The following GABBR2 variants were observed in gnomAD, a reference collection of about 807,000 sequenced individuals.
The protein encoded by GABBR2 is gamma-aminobutyric acid type B receptor subunit 2, also known as G-protein coupled receptor 51.
A neutral mutation model predicts 105.6 loss-of-function variants in GABBR2; 23 were observed. The observed-to-expected ratio is 0.22, with a 90% CI of 0.16 to 0.31. The LOEUF is 0.31. GABBR2 is among the 10% of genes least tolerant of loss of function. The pLI is 1.00. For synonymous variants in GABBR2, 478 were observed against 499.7 expected, an observed-to-expected ratio of 0.96 and a Z score of 0.58; for missense variants, 734 against 1,245.5, an observed-to-expected ratio of 0.59 and a Z score of 6.18.
At chr9:98,694,890 T>A (rs1830729223) in intron 1 of GABBR2, among the ~76,000 whole-genome samples, 1 of 152,210 alleles carries the variant, frequency 6.6e-6, no homozygotes, top group African/African-American at 2.4e-5. Flanking sequence ...CAGCATTGGG[T>A]CACCCATGTA....
chr9:98,352,483 G>T (rs965737196), intron 13 of GABBR2, among the ~76,000 whole-genome samples: 1 of 152,196 alleles, frequency 6.6e-6, no homozygotes, highest in Non-Finnish European at 1.5e-5. Context: ...ATGGATGCCA[G>T]TCATGGGCAG....
chr9:98,444,867 A>ATG (rs1826095942), intron 7 of GABBR2, among the ~76,000 whole-genome samples: 1 of 110,142 alleles, frequency 9.1e-6, no homozygotes. Context: ...GCATATGCAC[A>ATG]TGCGCGCGCG....
intron 1 of GABBR2, among the ~76,000 whole-genome samples, chr9:98,669,153 C>T (rs559856583): frequency 6.6e-6 from 1 of 152,292 alleles, no homozygotes; most frequent in South Asian, 2.1e-4. Flanking sequence ...TACCATTTTA[C>T]CACCAGCAAT....
At chr9:98,391,061 G>T (rs1294157796) in intron 9 of GABBR2, among the ~76,000 whole-genome samples, 1 of 151,990 alleles carries the variant, frequency 6.6e-6, no homozygotes, top group Non-Finnish European at 1.5e-5. Context: ...TCCATTCATT[G>T]CCATTCACTC....
chr9:98,545,979 T>C (rs1051902031), intron 2 of GABBR2, among the ~76,000 whole-genome samples: 1 of 152,218 alleles, frequency 6.6e-6, no homozygotes, highest in African/African-American at 2.4e-5. Flanking sequence ...CAGATTGTGA[T>C]TGAGGCTTTG....
chr9:98,420,153 C>T (rs933823981), intron 7 of GABBR2, among the ~76,000 whole-genome samples: 10 of 152,070 alleles, frequency 6.6e-5, no homozygotes, highest in East Asian at 1.9e-4. Flanking sequence ...ACTCTTGTCT[C>T]GGAGGAGGGG....
intron 13 of GABBR2, among the ~76,000 whole-genome samples, chr9:98,349,456 C>T (rs189184101): frequency 5.5e-5 from 8 of 146,098 alleles, no homozygotes; most frequent in Middle Eastern, 3.6e-3. Flanking sequence ...GGGTTGCAAG[C>T]GATTCTCCTG....
intron 7 of GABBR2, among the ~76,000 whole-genome samples, chr9:98,410,691 C>G (rs1362530433): frequency 6.6e-6 from 1 of 151,840 alleles, no homozygotes; most frequent in East Asian, 2.0e-4. Flanking sequence ...CAGCAGGAGC[C>G]TCGGAGGCCT....
At chr9:98,419,375 A>C (rs1160699012) in intron 7 of GABBR2, among the ~76,000 whole-genome samples, 3 of 152,134 alleles carry the variant, frequency 2.0e-5, no homozygotes, top group African/African-American at 7.2e-5. Flanking sequence ...AATTCCTCTT[A>C]AAGAGCAGAC....
Position 98,445,323 on chromosome 9 carries a change from GA to G in GABBR2, c.1236+8657del, listed in dbSNP as rs544254997. ...TGCAAAATGCACCAGGGACGAGGGA[GA>G]AGAGTCCAGAACCCTCCAATCGGGT... is the stretch of plus-strand genomic sequence containing the variant. On this transcript the variant is annotated intron_variant, in intron 7 of 18. Transcript: ENST00000259455. 2.7e-3 allele frequency among the ~76,000 whole-genome samples: 413 copies of G among 152,330 alleles called. 1 individual carries two copies. Among genetic ancestry groups the G allele is most frequent in the Non-Finnish European group, 4.3e-3 (290 of 68,030 alleles).
chr9:98,474,203 G>A (rs1826743751), intron 5 of GABBR2, among the ~76,000 whole-genome samples: 1 of 152,164 alleles, frequency 6.6e-6, no homozygotes, highest in African/African-American at 2.4e-5. Context: ...AGGTCAAACA[G>A]TCAGGGAGAA....
intron 3 of GABBR2, among the ~76,000 whole-genome samples, chr9:98,522,424 G>A (rs1052415398): frequency 1.3e-5 from 2 of 152,028 alleles, no homozygotes; most frequent in Admixed American, 6.6e-5. Flanking sequence ...TCAGCTATGT[G>A]CCATTTTTTC....
At chr9:98,647,897 A>G (rs1225022977) in intron 1 of GABBR2, among the ~76,000 whole-genome samples, 1 of 152,094 alleles carries the variant, frequency 6.6e-6, no homozygotes, top group Non-Finnish European at 1.5e-5. Flanking sequence ...ATTCTCATAT[A>G]TAAGAATGAA....
At chr9:98,647,958 G>GT (rs11294565) in intron 1 of GABBR2, among the ~76,000 whole-genome samples, 345 of 144,016 alleles carry the variant, frequency 2.4e-3, no homozygotes, top group Middle Eastern at 3.6e-3. Flanking sequence ...TAAGTGTTTG[G>GT]TTTTTTTTTT....
chr9:98,642,245 C>G (rs1008944890), intron 1 of GABBR2, among the ~76,000 whole-genome samples: 2 of 152,228 alleles, frequency 1.3e-5, no homozygotes, highest in African/African-American at 4.8e-5. Flanking sequence ...CACGCTTCCT[C>G]CTCTCCTTCC....
At chr9:98,697,490 CAA>C (rs5899354) in intron 1 of GABBR2, among the ~76,000 whole-genome samples, 7 of 141,052 alleles carry the variant, frequency 5.0e-5, no homozygotes, top group South Asian at 2.3e-4. Context: ...CACTCCGTCT[CAA>C]AAAAAAAAAA....
intron 1 of GABBR2, among the ~76,000 whole-genome samples, chr9:98,580,322 T>C (rs575944403): frequency 6.6e-6 from 1 of 152,138 alleles, no homozygotes; most frequent in East Asian, 1.9e-4. Context: ...CCCTATTTAA[T>C]GCCCTAACAT....
At chr9:98,589,487 C>T (rs549225085) in intron 1 of GABBR2, among the ~76,000 whole-genome samples, 14 of 152,258 alleles carry the variant, frequency 9.2e-5, no homozygotes, top group East Asian at 5.8e-4. Flanking sequence ...CATCCTTAAA[C>T]GCCTGCTGTA....
At chr9:98,613,201 G>A (rs1304589547) in intron 1 of GABBR2, among the ~76,000 whole-genome samples, 1 of 152,220 alleles carries the variant, frequency 6.6e-6, no homozygotes, top group Non-Finnish European at 1.5e-5. Context: ...CACCTTGGGA[G>A]GCCAAGGTGA....
Sources: gnomAD v4.1 joint callset for allele counts (sites outside exome capture counted in the v4.1 genomes callset) on GRCh38, gnomAD v4.1.1 for gene constraint, MANE v1.5 for transcripts, NCBI Gene and HGNC (gene_info 2026-07-23, HGNC 2026-07-21) for gene names.